The following DIAPH2 variants were observed in gnomAD, a reference collection of about 807,000 sequenced individuals.
DIAPH2 encodes the protein protein diaphanous homolog 2.
In DIAPH2, 35 loss-of-function variants were observed where a neutral mutation model predicts 92.7. The observed-to-expected ratio is 0.38, with a 90% CI of 0.29 to 0.50. DIAPH2 has a LOEUF of 0.50. DIAPH2 is among the 20% of genes least tolerant of loss of function. The pLI, the probability that DIAPH2 is intolerant of heterozygous loss-of-function variation, is 0.94. For missense variants in DIAPH2, 701 were observed against 819.5 expected, an observed-to-expected ratio of 0.86 and a Z score of 1.77; for synonymous variants, 301 against 280.4, an observed-to-expected ratio of 1.07 and a Z score of -0.73.
intron 3 of DIAPH2, among the ~76,000 whole-genome samples, chrX:96,757,383 C>T (rs2064238360): frequency 8.9e-6 from 1 of 111,917 alleles, no homozygotes; most frequent in Non-Finnish European, 1.9e-5. Context: ...ATTGACTTTT[C>T]ATTTGGTGTT....
chrX:97,127,963 G>A (rs928097727), intron 21 of DIAPH2, among the ~76,000 whole-genome samples: 12 of 111,146 alleles, frequency 1.1e-4, no homozygotes, highest in South Asian at 3.9e-4. Flanking sequence ...AGCCAAGATC[G>A]CGCCACTACA....
intron 24 of DIAPH2, among the ~76,000 whole-genome samples, chrX:97,370,675 A>C (rs1315974038): frequency 8.9e-6 from 1 of 111,848 alleles, no homozygotes; most frequent in African/African-American, 3.2e-5. Context: ...AGGAGTACTA[A>C]ATATTTGTAA....
intron 26 of DIAPH2, among the ~76,000 whole-genome samples, chrX:97,562,343 A>G (rs766009842): frequency 2.0e-5 from 2 of 98,439 alleles, no homozygotes; most frequent in Non-Finnish European, 3.9e-5. Flanking sequence ...TAAAAATACA[A>G]AAAAAAAAAA....
At chrX:97,051,395 G>A (rs370770192) in intron 17 of DIAPH2, among the ~76,000 whole-genome samples, 89 of 110,313 alleles carry the variant, frequency 8.1e-4, no homozygotes, top group African/African-American at 2.9e-3. Flanking sequence ...CCAGAATCTG[G>A]AATTTGAAGT....
chrX:96,837,817 G>A (rs1229761330), intron 4 of DIAPH2, among the ~76,000 whole-genome samples: 1 of 111,649 alleles, frequency 9.0e-6, no homozygotes, highest in African/African-American at 3.3e-5. Context: ...TTGTTCATGT[G>A]TGGCTTTTGG....
chrX:96,977,282 A>G (rs1237000341), intron 17 of DIAPH2, among the ~76,000 whole-genome samples: 2 of 112,155 alleles, frequency 1.8e-5, no homozygotes, highest in African/African-American at 3.2e-5. Context: ...GGTTCTTTCT[A>G]TAATTTAGAT....
rs988631608 is a variant in DIAPH2 at position 96,759,175 on chromosome X, C to G, written c.447+917C>G. 9.9e-5 allele frequency among the ~76,000 whole-genome samples: 11 copies of G among 110,605 alleles called. 1 individual carries two copies. In the East Asian group the frequency reaches 2.0e-3, roughly 20 times the overall value. On this transcript the variant is annotated intron_variant, in intron 4 of 26. Transcript: ENST00000324765. ...TGTGTTTTAAATTTCATAAGTTGAC[C>G]ATTGCAGAAAACAAGTCTTCATTGA... is the stretch of plus-strand genomic sequence containing the variant.
At chrX:97,508,766 A>G (rs1439643093) in intron 26 of DIAPH2, among the ~76,000 whole-genome samples, 1 of 112,016 alleles carries the variant, frequency 8.9e-6, no homozygotes, top group Non-Finnish European at 1.9e-5. Context: ...GAAGGAGGCT[A>G]GAATGCTGAG....
At chrX:96,937,999 G>A (rs1398257170) in intron 11 of DIAPH2, among the ~76,000 whole-genome samples, 2 of 111,308 alleles carry the variant, frequency 1.8e-5, no homozygotes, top group Non-Finnish European at 3.8e-5. Context: ...ATGGATTCTG[G>A]TGAACCTGGG....
intron 9 of DIAPH2, among the ~76,000 whole-genome samples, chrX:96,921,314 A>G (rs975151048): frequency 2.7e-5 from 3 of 111,293 alleles, no homozygotes; most frequent in African/African-American, 9.8e-5. Context: ...GGTGGAAGAT[A>G]AATCGCATAT....
chrX:97,238,171 C>A (rs2068064369), intron 22 of DIAPH2, among the ~76,000 whole-genome samples: 1 of 112,045 alleles, frequency 8.9e-6, no homozygotes, highest in Admixed American at 9.5e-5. Context: ...TTTCTTATTG[C>A]AAATTATTAC....
At chrX:97,263,805 TCGAACTCCTGACC>T (rs1288797538) in intron 23 of DIAPH2, among the ~76,000 whole-genome samples, 1 of 109,706 alleles carries the variant, frequency 9.1e-6, no homozygotes, top group African/African-American at 3.3e-5. Flanking sequence ...CAGGCTGGTC[TCGAACTCCTGACC>T]TCAGGTAATC....
intron 26 of DIAPH2, among the ~76,000 whole-genome samples, chrX:97,591,721 T>C (rs774072507): frequency 8.9e-6 from 1 of 112,389 alleles, no homozygotes; most frequent in South Asian, 3.7e-4. Flanking sequence ...TGCCTAACTT[T>C]CTTCATATAT....
At chrX:97,123,194 A>G (rs1013479172) in intron 21 of DIAPH2, among the ~76,000 whole-genome samples, 1 of 111,726 alleles carries the variant, frequency 9.0e-6, no homozygotes, top group African/African-American at 3.3e-5. Context: ...ATTTAAGTCC[A>G]TTGTGTTTCA....
chrX:97,299,142 A>G (rs962921116), intron 23 of DIAPH2, among the ~76,000 whole-genome samples: 2 of 111,982 alleles, frequency 1.8e-5, no homozygotes, highest in Non-Finnish European at 3.8e-5. Flanking sequence ...ATAAAGAGGG[A>G]AAATAAGAGG....
intron 26 of DIAPH2, among the ~76,000 whole-genome samples, chrX:97,532,927 T>G (rs2071069957): frequency 8.9e-6 from 1 of 112,108 alleles, no homozygotes; most frequent in Admixed American, 9.5e-5. Context: ...CTGTTTAATC[T>G]GTAATTAGTC....
chrX:97,370,549 A>C (rs1320736827), intron 24 of DIAPH2, among the ~76,000 whole-genome samples: 1 of 112,184 alleles, frequency 8.9e-6, no homozygotes, highest in Admixed American at 9.5e-5. Context: ...AAAGTCAAAG[A>C]AATTTTAAGC....
At chrX:97,242,493 A>G (rs764983398) in intron 22 of DIAPH2, among the ~76,000 whole-genome samples, 9 of 109,750 alleles carry the variant, frequency 8.2e-5, no homozygotes, top group Admixed American at 1.9e-4. Context: ...TCTCCCGAGT[A>G]TCTGGGATTA....
chrX:97,268,997 C>T (rs922537875), intron 23 of DIAPH2, among the ~76,000 whole-genome samples: 2 of 108,887 alleles, frequency 1.8e-5, no homozygotes, highest in African/African-American at 3.3e-5. Context: ...GCTGGGATTA[C>T]GGGCACTCAC....
Sources: allele counts gnomAD v4.1 joint callset (sites outside exome capture counted in the v4.1 genomes callset), GRCh38; gene constraint gnomAD v4.1.1; transcripts MANE v1.5; gene names NCBI Gene and HGNC (gene_info 2026-07-23, HGNC 2026-07-21).